The following DNAAF4 variants were observed in gnomAD, a reference collection of about 807,000 sequenced individuals.
DNAAF4 encodes dynein axonemal assembly factor 4, also known as dynein assembly factor 4, axonemal.
In DNAAF4, 43 loss-of-function variants were observed where a neutral mutation model predicts 51.8. That is an observed-to-expected ratio of 0.83 (90% CI 0.65 to 1.07). The LOEUF is 1.07. DNAAF4 is among the 50% of genes least tolerant of loss of function. The pLI is 0.00. For missense variants in DNAAF4, 581 were observed against 493.0 expected (o/e 1.18, Z -1.69); for synonymous variants, 194 against 165.6 (o/e 1.17, Z -1.32).
intron 3 of DNAAF4, chr15:55,495,187 G>C (rs183946565): frequency 1.4e-3 from 182 of 126,384 alleles, no homozygotes; most frequent in African/African-American, 5.6e-3. Flanking sequence ...AAACTCTTTA[G>C]GTAGTCTGGG....
chr15:55,505,436 A>AAT (rs1292990385), intron 1 of DNAAF4, among the ~76,000 whole-genome samples: 4 of 152,184 alleles, frequency 2.6e-5, no homozygotes, highest in Non-Finnish European at 4.4e-5. Context: ...AAAAGATTAT[A>AAT]AATCATGCTA....
chr15:55,498,454 AG>A lies in DNAAF4; in HGVS notation c.-126del. 1 of 1,431,488 alleles carries A rather than the reference AG, an allele frequency of 7.0e-7. No individual in the cohort carries two copies. The highest frequency in any genetic ancestry group is 9.2e-7 in the Non-Finnish European group (1 of 1,084,370). The allele number at this position is 1,431,488 out of a possible 1,614,324, so 88.7% of individuals were successfully genotyped here. ...GGCCGGCCGGGAGCCCGGCGTTCCC[AG>A]CGTGCTCCGGCGCCAGCACCTCGCG... On this transcript the variant is annotated 5_prime_UTR_variant, in exon 2 of 10. An upstream open reading frame in the 5' UTR loses its in-frame stop. Coordinates refer to ENST00000321149, the MANE Select transcript of DNAAF4 (RefSeq NM_130810.4).
At chr15:55,428,619 C>T (rs553317714), downstream of DNAAF4, among the ~76,000 whole-genome samples, 4 of 150,468 alleles carry the variant, frequency 2.7e-5, no homozygotes, top group Admixed American at 1.3e-4. Flanking sequence ...CTCAGCCTCC[C>T]GAGTAGGTGG....
intron 5 of DNAAF4, among the ~76,000 whole-genome samples, chr15:55,462,993 G>A (rs570793669): frequency 2.6e-5 from 4 of 152,146 alleles, no homozygotes; most frequent in Non-Finnish European, 5.9e-5. Flanking sequence ...CCAACATGGC[G>A]AAACCCTGTC....
At chr15:55,473,198 A>AATAT (rs1555418732) in intron 4 of DNAAF4, among the ~76,000 whole-genome samples, 7 of 75,750 alleles carry the variant, frequency 9.2e-5, no homozygotes, top group African/African-American at 3.2e-4. Context: ...AAAAAAAAAA[A>AATAT]ATATATATAT....
intron 1 of DNAAF4, among the ~76,000 whole-genome samples, chr15:55,507,221 A>G (rs561275745): frequency 1.8e-4 from 28 of 152,304 alleles, no homozygotes; most frequent in Non-Finnish European, 1.0e-4. Flanking sequence ...GTAAAACTAT[A>G]CAAACACTTC....
At chr15:55,423,688 C>T (rs917458854) in intron 7 of DNAAF4, among the ~76,000 whole-genome samples, 1 of 152,192 alleles carries the variant, frequency 6.6e-6, no homozygotes, top group African/African-American at 2.4e-5. Context: ...CGCGGTGGCT[C>T]ACACCTGCAA....
rs1280339377 is a variant in DNAAF4, at chr15:55,450,345, A to T, written c.660T>A (p.Phe220Leu). Residue 220 changes from phenylalanine to leucine, a missense_variant, in exon 6 of 10, where the codon TTT becomes TTA. Coordinates refer to ENST00000321149, the MANE Select transcript of DNAAF4 (RefSeq NM_130810.4). ...APKGRNSENI[F>L]TEKLKEDSIP... is the part of the protein sequence containing the mutation. ...TACTGTCTTCCTTTAACTTCTCAGTAAATATATTTTCTGAATTTCTCCCTT... is the reference window on the plus strand; with the variant it reads ...TACTGTCTTCCTTTAACTTCTCAGTTAATATATTTTCTGAATTTCTCCCTT... The T allele has an allele frequency of 6.2e-7, 1 of 1,610,590 alleles. No individual in the cohort carries two copies. Among genetic ancestry groups the T allele is most frequent in the East Asian group, 2.2e-5 (1 of 44,854 alleles).
intron 5 of DNAAF4, among the ~76,000 whole-genome samples, chr15:55,459,562 A>G (rs2058064781): frequency 6.6e-6 from 1 of 152,220 alleles, no homozygotes; most frequent in Non-Finnish European, 1.5e-5. Flanking sequence ...AGAATGTCAA[A>G]TGGATAAAAA....
chr15:55,488,288 G>A (rs759130799), intron 4 of DNAAF4, among the ~76,000 whole-genome samples: 7 of 152,102 alleles, frequency 4.6e-5, no homozygotes, highest in Non-Finnish European at 8.8e-5. Context: ...ACAGTATAGC[G>A]AATTGACACA....
chr15:55,436,717 A>C (rs2141415445), intron 7 of DNAAF4, among the ~76,000 whole-genome samples: 1 of 152,026 alleles, frequency 6.6e-6, no homozygotes, highest in East Asian at 1.9e-4. Flanking sequence ...ATTGGGTTTC[A>C]CCATATTGGC....
At position 55,435,076 on chromosome 15, in the gene DNAAF4, G is replaced by GAGA. The variant is rs748440901; in HGVS notation, c.894-21_894-19dup. On this transcript the variant is annotated intron_variant, in intron 7 of 9. Transcript: ENST00000321149. ...ACAATTTGCTAATGAGACAAAAACA[G>GAGA]AGAAGAAAAACAATTTAACATTGAA... The GAGA allele has an allele frequency of 3.1e-5, 48 of 1,567,682 alleles. No individual in the cohort carries two copies. Among genetic ancestry groups the GAGA allele is most frequent in the Non-Finnish European group, 4.1e-5 (48 of 1,162,982 alleles).
At chr15:55,422,636 T>G (rs994629907) in intron 7 of DNAAF4, among the ~76,000 whole-genome samples, 20 of 152,260 alleles carry the variant, frequency 1.3e-4, no homozygotes, top group African/African-American at 4.8e-4. Flanking sequence ...TTGGGAGATA[T>G]AGCATATGAA....
intron 6 of DNAAF4, among the ~76,000 whole-genome samples, chr15:55,442,114 T>C (rs1208014478): frequency 6.6e-6 from 1 of 151,494 alleles, no homozygotes; most frequent in Non-Finnish European, 1.5e-5. Context: ...GGAGACAGAG[T>C]TTTTTTTGTT....
chr15:55,418,113 G>A (rs146780032), exon 8 of DNAAF4: 28 of 1,583,344 alleles, frequency 1.8e-5, no homozygotes, highest in Non-Finnish European at 2.2e-5. Flanking sequence ...GACATTCAAT[G>A]CCCTCAAGAG....
chr15:55,463,172 T>TCACACA (rs3221985), intron 5 of DNAAF4, among the ~76,000 whole-genome samples: 11,168 of 140,030 alleles, frequency 0.08, 550 homozygotes, highest in Non-Finnish European at 0.098. Context: ...AGACTCTGTC[T>TCACACA]CACACACACA....
At chr15:55,497,949 C>A in intron 2 of DNAAF4, 90 bp from the exon 3 acceptor site, 2 of 1,494,156 alleles carry the variant, frequency 1.3e-6, no homozygotes, top group Admixed American at 2.3e-5. Context: ...AAATAACTTT[C>A]TAAAAGGCCC....
chr15:55,473,053 C>T (rs1334273132), intron 4 of DNAAF4, among the ~76,000 whole-genome samples: 1 of 151,242 alleles, frequency 6.6e-6, no homozygotes, highest in African/African-American at 2.4e-5. Context: ...GTAATCCCAG[C>T]TATTCGGGAG....
At chr15:55,440,978 T>C (rs691212) in intron 6 of DNAAF4, among the ~76,000 whole-genome samples, 149,581 of 152,224 alleles carry the variant, frequency 0.98, 73,538 homozygotes, top group East Asian at 1. Context: ...ACCGTGCCCG[T>C]CCTTAAACTT....
Sources: gnomAD v4.1 joint callset for allele counts (sites outside exome capture counted in the v4.1 genomes callset) on GRCh38, gnomAD v4.1.1 for gene constraint, MANE v1.5 for transcripts, NCBI Gene and HGNC (gene_info 2026-07-23, HGNC 2026-07-21) for gene names.